FBXL13: variants seen among roughly 807,000 people sequenced by gnomAD.
The protein encoded by FBXL13 is F-box and leucine-rich repeat protein 13.
A neutral mutation model predicts 83.6 loss-of-function variants in FBXL13; 67 were observed. That is an observed-to-expected ratio of 0.80 (90% CI 0.66 to 0.98). FBXL13 has a LOEUF of 0.98. Ranked by LOEUF, FBXL13 falls within the 50% of genes least tolerant of loss-of-function variation. The pLI, the probability that FBXL13 is intolerant of heterozygous loss-of-function variation, is 0.00. For synonymous variants in FBXL13, 272 were observed against 299.5 expected (o/e 0.91, Z 0.95); for missense variants, 822 against 866.5 (o/e 0.95, Z 0.64).
At chr7:102,811,402 T>C (rs1797427369), downstream of FBXL13, among the ~76,000 whole-genome samples, 1 of 152,256 alleles carries the variant, frequency 6.6e-6, no homozygotes, top group Non-Finnish European at 1.5e-5. Flanking sequence ...AAGATTTCTC[T>C]ACCTGTATCC....
intron 10 of FBXL13, among the ~76,000 whole-genome samples, chr7:102,924,353 A>G (rs1330544879): frequency 3.9e-5 from 6 of 152,080 alleles, no homozygotes; most frequent in Non-Finnish European, 8.8e-5. Context: ...CACTTCATTC[A>G]TCTATCAAGA....
chr7:102,840,943 A>T lies in FBXL13; in HGVS notation c.1720-7969T>A, dbSNP rs899095200. Among the ~76,000 whole-genome samples, 11 of 152,338 alleles carry T rather than the reference A, an allele frequency of 7.2e-5. No individual in the cohort carries two copies. The South Asian group carries it at 1.9e-3, about 26-fold the overall frequency. On this transcript the variant is annotated intron_variant, in intron 17 of 19. Transcript: ENST00000313221. ...TGTGAACCAGAGAGATCCTGGAACG[A>T]TCCTATCTATGATGTATGTGATGAG...
At chr7:102,873,475 A>G (rs1808800810) in intron 16 of FBXL13, among the ~76,000 whole-genome samples, 1 of 152,182 alleles carries the variant, frequency 6.6e-6, no homozygotes, top group South Asian at 2.1e-4. Context: ...TGACTTTGCT[A>G]CATGCTTACT....
chr7:102,854,856 A>G lies in FBXL13; in HGVS notation c.1640T>C (p.Leu547Ser), dbSNP rs142262522. ...TTTTTTATGTCTGGAAAGCACATTC[A>G]AACCCTAAAAATATTTAATATAAAG... is the stretch of plus-strand genomic sequence containing the variant. The change falls in exon 17 of 20, where the codon TTG (leucine) becomes TCG (serine). Residue 547 changes from leucine to serine, a missense_variant. Transcript: ENST00000313221. The G allele has an allele frequency of 3.2e-5, 49 of 1,537,084 alleles. No individual in the cohort carries two copies. The African/African-American group carries it at 5.5e-4, about 17-fold the overall frequency.
At position 102,861,868 on chromosome 7, in the gene FBXL13, G is replaced by A. The variant is rs1321015086; in HGVS notation, c.1636-7008C>T. Among the ~76,000 whole-genome samples, 3 of 151,636 alleles carry A rather than the reference G, an allele frequency of 2.0e-5. No homozygotes were observed. In the East Asian group the frequency reaches 5.8e-4, roughly 30 times the overall value. ...ATGGTGGCAGGTGCTTGTAATCCCG[G>A]CTACTCGGGAGGATGAGGCAGGAGA... On this transcript the variant is annotated intron_variant, in intron 16 of 19. Transcript: ENST00000313221.
At chr7:102,940,371 G>A (rs999799872) in intron 8 of FBXL13, among the ~76,000 whole-genome samples, 14 of 151,276 alleles carry the variant, frequency 9.3e-5, no homozygotes, top group South Asian at 6.3e-4. Context: ...CACCACGCCC[G>A]GCTAATTTTT....
chr7:102,950,736 G>A (rs1359950210), intron 8 of FBXL13, among the ~76,000 whole-genome samples: 2 of 152,158 alleles, frequency 1.3e-5, no homozygotes, highest in Non-Finnish European at 2.9e-5. Flanking sequence ...ACATTAATAA[G>A]TGAAGGAAGC....
At chr7:102,988,213 T>A (rs1829200027) in intron 6 of FBXL13, 1 of 152,218 alleles carries the variant, frequency 6.6e-6, no homozygotes, top group South Asian at 2.1e-4. Context: ...AGAGAATTAA[T>A]GCTGAAGAAG....
intron 1 of FBXL13, among the ~76,000 whole-genome samples, chr7:103,056,229 G>GAT (rs1212760277): frequency 2.6e-5 from 4 of 151,980 alleles, no homozygotes; most frequent in African/African-American, 4.8e-5. Flanking sequence ...TATATGATGT[G>GAT]ATATATATAT....
At chr7:102,951,320 G>A (rs943591722) in intron 8 of FBXL13, among the ~76,000 whole-genome samples, 4 of 149,586 alleles carry the variant, frequency 2.7e-5, no homozygotes, top group African/African-American at 9.9e-5. Flanking sequence ...AGGTTGCAGT[G>A]AGCCAAGATC....
chr7:102,953,382 T>C (rs1326763849), intron 8 of FBXL13, among the ~76,000 whole-genome samples: 1 of 151,870 alleles, frequency 6.6e-6, no homozygotes, highest in Non-Finnish European at 1.5e-5. Flanking sequence ...ATCAATGTAA[T>C]ATACGCAATA....
chr7:102,831,431 A>ACACACACACCCCCCCC (rs1033135095), intron 18 of FBXL13, among the ~76,000 whole-genome samples: 2 of 147,126 alleles, frequency 1.4e-5, no homozygotes, highest in African/African-American at 5.0e-5. Flanking sequence ...ACACACACAC[A>ACACACACACCCCCCCC]CCCCACTACA....
rs540392540 is a variant in FBXL13 at position 102,832,231 on chromosome 7, G to GA, written c.1854+608dup. Among the ~76,000 whole-genome samples the GA allele has an allele frequency of 2.2e-3, 340 of 152,224 alleles. 1 individual carries two copies. Among genetic ancestry groups the GA allele is most frequent in the Non-Finnish European group, 4.1e-3 (277 of 68,010 alleles). On this transcript the variant is annotated intron_variant, in intron 18 of 19. Transcript: ENST00000313221. ...GTCCCAGAAAAATTATAAAACACTT[G>GA]AAAATAACACAAAAGATGATGGTAT... is the stretch of plus-strand genomic sequence containing the variant.
At chr7:102,926,058 G>A (rs1292838461) in intron 10 of FBXL13, among the ~76,000 whole-genome samples, 1 of 152,110 alleles carries the variant, frequency 6.6e-6, no homozygotes, top group Non-Finnish European at 1.5e-5. Flanking sequence ...AAGCTACTGG[G>A]CACATTGCTG....
intron 6 of FBXL13, among the ~76,000 whole-genome samples, chr7:102,984,148 T>C (rs1828640877): frequency 6.6e-6 from 1 of 152,004 alleles, no homozygotes; most frequent in Non-Finnish European, 1.5e-5. Context: ...GAAACATCAG[T>C]GCTCTTTTTA....
In FBXL13 at chr7:103,055,642, AC is replaced by A; in HGVS notation, c.-1+1del. 2 of 1,221,052 alleles carry A rather than the reference AC, an allele frequency of 1.6e-6. No homozygotes were observed. Among genetic ancestry groups the A allele is most frequent in the Non-Finnish European group, 2.1e-6 (2 of 939,764 alleles). 75.6% of individuals were successfully genotyped at this position (1,221,052 alleles called of 1,614,324 possible). On this transcript the variant is annotated splice_donor_variant, in intron 2 of 19. Transcript: ENST00000313221. LOFTEE classifies it low-confidence loss of function (5UTR_SPLICE). Reference sequence around the variant, plus strand: ...CCTATCAAAAATCAAAACAATACTTACCAAAGAAGATTCTGAAGACCACTTT... The same window carrying A: ...CCTATCAAAAATCAAAACAATACTTACAAAGAAGATTCTGAAGACCACTTT...
chr7:102,944,827 C>A lies in FBXL13; in HGVS notation c.725-12894G>T, dbSNP rs138135926. The stretch of plus-strand genomic sequence containing the variant: ...TTGTGGAACAGCATCTGGTGATATG[C>A]AATTCCACACTGGTAACCTGCAGCA... On this transcript the variant is annotated intron_variant, in intron 8 of 19. Coordinates refer to ENST00000313221, the Ensembl canonical transcript of FBXL13. The A allele has an allele frequency of 1.5e-3, 679 of 453,086 alleles. 5 individuals are homozygous for A. Among genetic ancestry groups the A allele is most frequent in the African/African-American group, 0.013 (653 of 49,770 alleles). 28.1% of individuals were successfully genotyped at this position (453,086 alleles called of 1,614,324 possible).
chr7:102,904,537 C>T (rs2129466896), intron 11 of FBXL13, among the ~76,000 whole-genome samples: 1 of 151,972 alleles, frequency 6.6e-6, no homozygotes, highest in Non-Finnish European at 1.5e-5. Context: ...TTCAAAAACC[C>T]ACTTTTTGTT....
chr7:102,907,013 C>T (rs1813866763), intron 11 of FBXL13, among the ~76,000 whole-genome samples: 1 of 151,872 alleles, frequency 6.6e-6, no homozygotes, highest in African/African-American at 2.4e-5. Context: ...CGCTCTGTTG[C>T]CCAGGCTGGA....
Sources: allele counts gnomAD v4.1 joint callset (sites outside exome capture counted in the v4.1 genomes callset), GRCh38; gene constraint gnomAD v4.1.1; transcripts MANE v1.5; gene names NCBI Gene and HGNC (gene_info 2026-07-23, HGNC 2026-07-21).